MYO9A: variants seen among roughly 807,000 people sequenced by gnomAD.
MYO9A encodes the protein myosin IXA, also known as unconventional myosin-IXa.
A neutral mutation model predicts 293.3 loss-of-function variants in MYO9A; 103 were observed. The ratio of observed to expected loss-of-function variants is 0.35; its 90% confidence interval spans 0.30 to 0.41. The LOEUF (loss-of-function observed/expected upper bound fraction) is 0.41. MYO9A is among the 10% of genes least tolerant of loss of function. The probability of loss-of-function intolerance (pLI) is 1.00; values close to 1 mark genes in which losing one functional copy is unlikely to be tolerated. For synonymous variants in MYO9A, 1,001 were observed against 1,035.7 expected (o/e 0.97, Z 0.64); for missense variants, 2,685 against 3,033.0 (o/e 0.89, Z 2.69).
At chr15:72,101,198 G>A (rs1320436411) in intron 1 of MYO9A, among the ~76,000 whole-genome samples, 72 of 136,612 alleles carry the variant, frequency 5.3e-4, no homozygotes, top group African/African-American at 1.9e-3. Flanking sequence ...ACTGGGAAGT[G>A]AGGAGCCCCT....
intron 13 of MYO9A, among the ~76,000 whole-genome samples, chr15:71,960,917 T>TA (rs2075722227): frequency 6.6e-6 from 1 of 151,998 alleles, no homozygotes; most frequent in Non-Finnish European, 1.5e-5. Context: ...AGAAAAAGGA[T>TA]AAAAACCACA....
intron 8 of MYO9A, among the ~76,000 whole-genome samples, chr15:72,003,703 CAAAAAAA>C (rs397738256): frequency 4.4e-4 from 38 of 86,524 alleles, no homozygotes; most frequent in African/African-American, 1.6e-3. Context: ...GACTCCGTCT[CAAAAAAA>C]AAAAAAAAAA....
chr15:71,984,348 T>C (rs2148113804), intron 11 of MYO9A, among the ~76,000 whole-genome samples: 1 of 152,352 alleles, frequency 6.6e-6, no homozygotes, highest in South Asian at 2.1e-4. Flanking sequence ...TGGTTTCCTC[T>C]AGCTGCTTTT....
At chr15:71,903,899 A>C in intron 21 of MYO9A, 30 bp downstream of exon 21, 2 of 1,563,262 alleles carry the variant, frequency 1.3e-6, no homozygotes, top group Non-Finnish European at 1.8e-6. Context: ...GATGTGTCTA[A>C]ATATGTAAAT....
At chr15:72,100,870 G>GA (rs2080265558) in intron 1 of MYO9A, among the ~76,000 whole-genome samples, 1 of 133,408 alleles carries the variant, frequency 7.5e-6, no homozygotes, top group Admixed American at 7.2e-5. Context: ...GGAGGGAGGT[G>GA]GGGGGGGTCA....
chr15:71,934,657 A>C (rs1044215555), intron 17 of MYO9A, among the ~76,000 whole-genome samples: 1 of 151,376 alleles, frequency 6.6e-6, no homozygotes, highest in African/African-American at 2.4e-5. Flanking sequence ...CTGAAGTGCA[A>C]TGGCAAGATC....
chr15:71,918,035 AAG>A (rs2058058871), intron 18 of MYO9A, among the ~76,000 whole-genome samples: 1 of 152,202 alleles, frequency 6.6e-6, no homozygotes, highest in Non-Finnish European at 1.5e-5. Context: ...AGAAAGGGCA[AAG>A]ATTATCTGAC....
intron 19 of MYO9A, among the ~76,000 whole-genome samples, chr15:71,911,235 C>T (rs1412739227): frequency 6.6e-6 from 1 of 152,162 alleles, no homozygotes; most frequent in Admixed American, 6.5e-5. Flanking sequence ...CATATATGTT[C>T]AGAGAATATC....
intron 11 of MYO9A, among the ~76,000 whole-genome samples, chr15:71,981,641 GTCTCTCTC>G (rs142432028): frequency 0.014 from 2,057 of 144,460 alleles, 49 homozygotes; most frequent in African/African-American, 0.049. Flanking sequence ...TCTCTGTCTT[GTCTCTCTC>G]TCTCTCTCTC....
chr15:71,903,284 G>GA (rs1470220077), intron 21 of MYO9A, among the ~76,000 whole-genome samples: 1 of 150,798 alleles, frequency 6.6e-6, no homozygotes, highest in Non-Finnish European at 1.5e-5. Context: ...GGGAATGAGA[G>GA]AAAAAAAAGG....
intron 6 of MYO9A, among the ~76,000 whole-genome samples, chr15:72,012,362 T>C (rs2077199214): frequency 6.6e-6 from 1 of 152,166 alleles, no homozygotes; most frequent in East Asian, 1.9e-4. Flanking sequence ...TGACGCGATG[T>C]CTGCTCAGTG....
At chr15:71,911,676 T>C (rs1203122229) in intron 19 of MYO9A, among the ~76,000 whole-genome samples, 1 of 152,226 alleles carries the variant, frequency 6.6e-6, no homozygotes, top group African/African-American at 2.4e-5. Flanking sequence ...TGCTATGAAG[T>C]GACCAGACTT....
intron 2 of MYO9A, among the ~76,000 whole-genome samples, chr15:72,037,283 C>T (rs779613935): frequency 1.9e-4 from 21 of 108,522 alleles, no homozygotes; most frequent in Non-Finnish European, 3.5e-4. Context: ...AAAAAAAAAA[C>T]ACCAAACAAC....
At chr15:71,990,516 G>A (rs1314430177) in intron 11 of MYO9A, among the ~76,000 whole-genome samples, 1 of 152,142 alleles carries the variant, frequency 6.6e-6, no homozygotes, top group Non-Finnish European at 1.5e-5. Flanking sequence ...AGCACTTTGG[G>A]AGGCTGAGGC....
chr15:71,965,707 T>G (rs2075855902), intron 13 of MYO9A, among the ~76,000 whole-genome samples: 1 of 152,164 alleles, frequency 6.6e-6, no homozygotes, highest in African/African-American at 2.4e-5. Flanking sequence ...CCACTTCACT[T>G]CAGCCTGGCA....
At chr15:72,000,725 G>A (rs907760009) in intron 8 of MYO9A, among the ~76,000 whole-genome samples, 3 of 151,942 alleles carry the variant, frequency 2.0e-5, no homozygotes, top group Non-Finnish European at 2.9e-5. Flanking sequence ...TTGCAGCCTC[G>A]ACCGCCCAGA....
chr15:71,917,141 T>C (rs1316064554), intron 18 of MYO9A, among the ~76,000 whole-genome samples: 1 of 152,234 alleles, frequency 6.6e-6, no homozygotes, highest in Non-Finnish European at 1.5e-5. Flanking sequence ...TAATTCCCTT[T>C]CTACTTAAAA....
Position 72,007,946 on chromosome 15 carries a change from G to GA in MYO9A, c.1259dup (p.Ser421LeufsTer11). ...AATGTAGTATGGCTGAGAGAAGAGA[G>GA]AAAATCCTGGGAAAATAAAACACAA... On this transcript the variant is annotated frameshift_variant, in exon 8 of 42. Coordinates refer to ENST00000356056, the MANE Select transcript of MYO9A (RefSeq NM_006901.4). LOFTEE classifies it high-confidence loss of function. 6.2e-7 allele frequency: 1 copy of GA among 1,607,784 alleles called. No homozygotes were observed. Among genetic ancestry groups the GA allele is most frequent in the Non-Finnish European group, 8.5e-7 (1 of 1,178,220 alleles).
At position 71,978,301 on chromosome 15, in the gene MYO9A, A is replaced by G; in HGVS notation, c.1723-9T>C. On this transcript the variant is annotated splice_polypyrimidine_tract_variant and intron_variant, in intron 11 of 41. Transcript: ENST00000356056. Reference sequence around the variant, plus strand: ...TCAGTTCTATATTCCTCCTAGAAAAACCAAAAAATAAAATAACAATTTATT... The same window carrying G: ...TCAGTTCTATATTCCTCCTAGAAAAGCCAAAAAATAAAATAACAATTTATT... 1 of 1,592,868 alleles carries G rather than the reference A, an allele frequency of 6.3e-7. No individual in the cohort carries two copies. Among genetic ancestry groups the G allele is most frequent in the South Asian group, 1.2e-5 (1 of 86,608 alleles).
Sources: gnomAD v4.1 joint callset for allele counts (sites outside exome capture counted in the v4.1 genomes callset) on GRCh38, gnomAD v4.1.1 for gene constraint, MANE v1.5 for transcripts, NCBI Gene and HGNC (gene_info 2026-07-23, HGNC 2026-07-21) for gene names.